Variants in PCDHGB7 observed in about 807,000 individuals in gnomAD.
The protein encoded by PCDHGB7 is protocadherin gamma subfamily B, 7.
A neutral mutation model predicts 61.4 loss-of-function variants in PCDHGB7; 37 were observed. That is an observed-to-expected ratio of 0.60 (90% CI 0.46 to 0.79). PCDHGB7 has a LOEUF of 0.79. Ranked by LOEUF, PCDHGB7 falls within the 30% of genes least tolerant of loss-of-function variation. PCDHGB7 has a pLI of 0.00. For synonymous variants in PCDHGB7, 464 were observed against 503.5 expected, an observed-to-expected ratio of 0.92 and a Z score of 1.05; for missense variants, 1,166 against 1,202.5, an observed-to-expected ratio of 0.97 and a Z score of 0.45.
intron 1 of PCDHGB7, chr5:141,422,052 C>T: frequency 6.2e-7 from 1 of 1,611,298 alleles, no homozygotes; most frequent in Non-Finnish European, 8.5e-7. Flanking sequence ...AGGGAATCAA[C>T]GGGGAAGTAA....
At chr5:141,497,878 C>T (rs553853040) in intron 2 of PCDHGB7, among the ~76,000 whole-genome samples, 32 of 152,256 alleles carry the variant, frequency 2.1e-4, no homozygotes, top group Non-Finnish European at 3.5e-4. Flanking sequence ...GTGAAATAAG[C>T]GTTAGGATCT....
At chr5:141,484,943 C>T (rs542244720) in intron 1 of PCDHGB7, 14 of 546,098 alleles carry the variant, frequency 2.6e-5, no homozygotes, top group African/African-American at 2.3e-4. Flanking sequence ...GTTCTCTGCT[C>T]AGCCTATTGG....
At chr5:141,475,583 G>A (rs1181419200) in intron 1 of PCDHGB7, among the ~76,000 whole-genome samples, 1 of 152,198 alleles carries the variant, frequency 6.6e-6, no homozygotes, top group Non-Finnish European at 1.5e-5. Context: ...CAGATTTGTT[G>A]GTGTTTTTCC....
intron 1 of PCDHGB7, chr5:141,426,795 C>G (rs1214340018): frequency 2.2e-6 from 1 of 456,700 alleles, no homozygotes. Context: ...GAGTTACCAG[C>G]TCAGTTCTAA....
intron 1 of PCDHGB7, 41 bp from the exon 2 acceptor site, chr5:141,494,766 C>T (rs1017994327): frequency 6.2e-7 from 1 of 1,614,038 alleles, no homozygotes; most frequent in Non-Finnish European, 8.5e-7. Flanking sequence ...ATTCTAACTT[C>T]TCACGGGTAC....
chr5:141,432,991 CG>C lies in PCDHGB7; in HGVS notation c.2415+12721del. 1.9e-6 allele frequency: 3 copies of C among 1,614,200 alleles called. No homozygotes were observed. Among genetic ancestry groups the C allele is most frequent in the Non-Finnish European group, 2.5e-6 (3 of 1,180,030 alleles). On this transcript the variant is annotated intron_variant, in intron 1 of 3. Transcript: ENST00000398594. This position sits in a 1 kb window ranked among gnomAD's most constrained non-coding sequence, Gnocchi z 6.0. ...CGGCGTCGCACTTTGTGGGCGTGGACGGGGTGCAGGCTTTCCTGCAGACCTA... is the reference window on the plus strand; with the variant it reads ...CGGCGTCGCACTTTGTGGGCGTGGACGGGTGCAGGCTTTCCTGCAGACCTA...
Position 141,432,390 on chromosome 5 carries a change from G to A in PCDHGB7, c.2415+12116G>A. The A allele has an allele frequency of 6.2e-7, 1 of 1,614,256 alleles. No homozygotes were observed. The highest frequency in any genetic ancestry group is 8.5e-7 in the Non-Finnish European group (1 of 1,180,046). On this transcript the variant is annotated intron_variant, in intron 1 of 3. Transcript: ENST00000398594. This position sits in a 1 kb window ranked among gnomAD's most constrained non-coding sequence, Gnocchi z 6.0. ...GACAACGGGCACCCGCCCCTCAGCA[G>A]CAACGTGTCGTTGAGCCTGTTCGTG... is the stretch of plus-strand genomic sequence containing the variant.
intron 1 of PCDHGB7, among the ~76,000 whole-genome samples, chr5:141,481,782 T>C (rs1348977678): frequency 6.6e-6 from 1 of 152,008 alleles, no homozygotes; most frequent in African/African-American, 2.4e-5. Context: ...TGAAACCCCG[T>C]CTCTACTAAA....
Position 141,476,698 on chromosome 5 carries a change from G to C in PCDHGB7, c.2416-18109G>C, listed in dbSNP as rs2075661. Reference sequence around the variant, plus strand: ...CGCGGGAGGACAGCACCAAGTACGCGGAGCTGGTGTTGGAGCGCGCCCTGG... The same window carrying C: ...CGCGGGAGGACAGCACCAAGTACGCCGAGCTGGTGTTGGAGCGCGCCCTGG... On this transcript the variant is annotated intron_variant, in intron 1 of 3. Transcript: ENST00000398594. The surrounding 1 kb of genome is among the most constrained non-coding windows in gnomAD (Gnocchi z 7.6). The C allele has an allele frequency of 0.2, 326,683 of 1,614,030 alleles. 35,085 individuals carry two copies. Among genetic ancestry groups the C allele is most frequent in the Admixed American group, 0.37 (22,021 of 59,992 alleles).
At chr5:141,484,878 G>C (rs2099602522) in intron 1 of PCDHGB7, 1 of 341,888 alleles carries the variant, frequency 2.9e-6, no homozygotes, top group Non-Finnish European at 5.3e-6. Flanking sequence ...TGGAGGATAG[G>C]GTGGGCTTTT....
intron 1 of PCDHGB7, chr5:141,423,753 G>GC (rs1489142243): frequency 4.8e-6 from 3 of 626,014 alleles, no homozygotes; most frequent in African/African-American, 5.1e-5. Context: ...AACTGTTTGG[G>GC]GGGGGGGTGG....
At chr5:141,466,765 G>A (rs1199343616) in intron 1 of PCDHGB7, among the ~76,000 whole-genome samples, 1 of 151,996 alleles carries the variant, frequency 6.6e-6, no homozygotes, top group African/African-American at 2.4e-5. Context: ...TTTTCAAACT[G>A]TTATCTTATT....
At chr5:141,467,059 T>C (rs1157689140) in intron 1 of PCDHGB7, among the ~76,000 whole-genome samples, 2 of 151,064 alleles carry the variant, frequency 1.3e-5, no homozygotes, top group African/African-American at 2.4e-5. Context: ...TGTTTTCTTT[T>C]TTTTTTTTTT....
At chr5:141,426,963 C>G (rs1008659501) in intron 1 of PCDHGB7, 1 of 456,646 alleles carries the variant, frequency 2.2e-6, no homozygotes, top group African/African-American at 2.0e-5. Flanking sequence ...TGCTGCAATT[C>G]AAATTGAGGT....
At chr5:141,453,351 C>T (rs1210851703) in intron 1 of PCDHGB7, among the ~76,000 whole-genome samples, 3 of 151,738 alleles carry the variant, frequency 2.0e-5, no homozygotes, top group African/African-American at 7.3e-5. Context: ...CCAGGCTGAC[C>T]CTGAACTCCT....
intron 1 of PCDHGB7, among the ~76,000 whole-genome samples, chr5:141,434,819 A>G (rs2097719619): frequency 6.6e-6 from 1 of 151,946 alleles, no homozygotes; most frequent in Admixed American, 6.6e-5. Flanking sequence ...TATATCCCTT[A>G]GTACACTTGG....
At chr5:141,494,999 G>T in intron 2 of PCDHGB7, 134 bp downstream of exon 2, 1 of 1,531,046 alleles carries the variant, frequency 6.5e-7, no homozygotes, top group Non-Finnish European at 8.8e-7. Context: ...GGGAGGTCTT[G>T]GTGTGCGGGG....
intron 3 of PCDHGB7, among the ~76,000 whole-genome samples, chr5:141,507,617 C>T (rs1366723844): frequency 6.6e-6 from 1 of 152,278 alleles, no homozygotes; most frequent in African/African-American, 2.4e-5. Context: ...GTATATTTAG[C>T]TGTTGTGGCC....
chr5:141,487,783 G>T lies in PCDHGB7; in HGVS notation c.2416-7024G>T. The T allele has an allele frequency of 6.6e-7, 1 of 1,522,846 alleles. No homozygotes were observed. The allele number at this position is 1,522,846 out of a possible 1,614,324, so 94.3% of individuals were successfully genotyped here. ...ACGCTGTGCTTTGTAACTGTTTCGT[G>T]AATTAACCAGAGTTGTCACAGTTTA... is the stretch of plus-strand genomic sequence containing the variant. On this transcript the variant is annotated intron_variant, in intron 1 of 3. Transcript: ENST00000398594. The surrounding 1 kb of genome is among the most constrained non-coding windows in gnomAD (Gnocchi z 5.0).
Sources: gnomAD v4.1 joint callset for allele counts (sites outside exome capture counted in the v4.1 genomes callset) on GRCh38, gnomAD v4.1.1 for gene constraint, Gnocchi (gnomAD v3.1) non-coding constraint, MANE v1.5 for transcripts, NCBI Gene and HGNC (gene_info 2026-07-23, HGNC 2026-07-21) for gene names.